The following SLC35F1 variants were observed in gnomAD, a reference collection of about 807,000 sequenced individuals.
SLC35F1 encodes chromosome 6 open reading frame 169.
Under a neutral mutation model 48.7 loss-of-function variants are expected in SLC35F1, and 14 were observed. That is an observed-to-expected ratio of 0.29 (90% CI 0.19 to 0.45). The LOEUF is 0.45. Ranked by LOEUF, SLC35F1 falls within the 20% of genes least tolerant of loss-of-function variation. The pLI is 1.00. For synonymous variants in SLC35F1, 190 were observed against 202.2 expected, an observed-to-expected ratio of 0.94 and a Z score of 0.51; for missense variants, 404 against 500.0, an observed-to-expected ratio of 0.81 and a Z score of 1.83.
At chr6:118,306,482 A>T (rs891445506) in intron 7 of SLC35F1, among the ~76,000 whole-genome samples, 3 of 152,232 alleles carry the variant, frequency 2.0e-5, no homozygotes, top group African/African-American at 7.2e-5. Flanking sequence ...GTAGCCCAGC[A>T]TGTACCTCTG....
chr6:118,294,317 T>C (rs1776158249), intron 7 of SLC35F1, among the ~76,000 whole-genome samples: 1 of 152,226 alleles, frequency 6.6e-6, no homozygotes, highest in Admixed American at 6.5e-5. Context: ...CCTTTATTGC[T>C]TACCATAGAA....
At chr6:118,214,579 G>A (rs1448041205) in intron 2 of SLC35F1, among the ~76,000 whole-genome samples, 1 of 152,142 alleles carries the variant, frequency 6.6e-6, no homozygotes, top group Non-Finnish European at 1.5e-5. Flanking sequence ...ATAAGACAGA[G>A]ACATTTCACC....
At chr6:118,196,050 AG>A in intron 2 of SLC35F1, among the ~76,000 whole-genome samples, 1 of 151,852 alleles carries the variant, frequency 6.6e-6, no homozygotes, top group Non-Finnish European at 1.5e-5. Context: ...CAGAGACTCC[AG>A]GGGGGGCCTC....
chr6:118,006,140 T>C (rs1166483802), intron 1 of SLC35F1, among the ~76,000 whole-genome samples: 2 of 152,196 alleles, frequency 1.3e-5, no homozygotes, highest in Non-Finnish European at 2.9e-5. Flanking sequence ...TTATTGCTAT[T>C]ATCATTTTTT....
chr6:117,907,420 C>T lies in SLC35F1; in HGVS notation c.-307C>T. 4.9e-6 allele frequency: 1 copy of T among 204,134 alleles called. No homozygotes were observed. 12.6% of individuals were successfully genotyped at this position (204,134 alleles called of 1,614,324 possible). On this transcript the variant is annotated 5_prime_UTR_variant, in exon 1 of 8. Transcript: ENST00000360388. Reference sequence around the variant, plus strand: ...GGCAGCTCCGCGCCCCCGCGCGACACCCTTCGCAGCCACTTCGCGGGGCGG... The same window carrying T: ...GGCAGCTCCGCGCCCCCGCGCGACATCCTTCGCAGCCACTTCGCGGGGCGG...
chr6:117,995,664 C>A (rs1014213937), intron 1 of SLC35F1, among the ~76,000 whole-genome samples: 1 of 151,986 alleles, frequency 6.6e-6, no homozygotes, highest in African/African-American at 2.4e-5. Flanking sequence ...TTGCTTGAAC[C>A]CGGGAGCTGG....
At chr6:118,109,150 G>T (rs73516324) in intron 1 of SLC35F1, among the ~76,000 whole-genome samples, 4,743 of 152,236 alleles carry the variant, frequency 0.031, 180 homozygotes, top group African/African-American at 0.081. Context: ...AAAAAGTAAG[G>T]CAAAGCGTTA....
At chr6:118,272,767 A>ATATATATATATATATATATATG (rs1289997076) in intron 4 of SLC35F1, among the ~76,000 whole-genome samples, 9 of 136,054 alleles carry the variant, frequency 6.6e-5, no homozygotes, top group African/African-American at 2.3e-4. Flanking sequence ...ATATATATGT[A>ATATATATATATATATATATATG]TATATATATA....
intron 1 of SLC35F1, among the ~76,000 whole-genome samples, chr6:117,979,583 CCA>C (rs1158933977): frequency 6.6e-6 from 1 of 152,102 alleles, no homozygotes; most frequent in Non-Finnish European, 1.5e-5. Context: ...TGGTATGTTC[CCA>C]ATCCTGCTGT....
chr6:118,226,108 T>TA (rs1222569155), intron 2 of SLC35F1, among the ~76,000 whole-genome samples: 1 of 151,938 alleles, frequency 6.6e-6, no homozygotes, highest in Non-Finnish European at 1.5e-5. Flanking sequence ...GGCCAACAGG[T>TA]ACATGAAAAA....
chr6:118,123,689 C>T (rs891589615), intron 1 of SLC35F1, among the ~76,000 whole-genome samples: 5 of 152,120 alleles, frequency 3.3e-5, no homozygotes, highest in Non-Finnish European at 5.9e-5. Flanking sequence ...TACCCTGTAG[C>T]CCACAATGAG....
intron 1 of SLC35F1, among the ~76,000 whole-genome samples, chr6:117,920,889 T>G (rs963509187): frequency 5.3e-5 from 8 of 152,162 alleles, no homozygotes; most frequent in Non-Finnish European, 8.8e-5. Flanking sequence ...TTGTGTCCTA[T>G]ATTTCCTTTC....
chr6:118,129,967 G>A (rs1421091192), intron 1 of SLC35F1, among the ~76,000 whole-genome samples: 1 of 152,206 alleles, frequency 6.6e-6, no homozygotes, highest in African/African-American at 2.4e-5. Context: ...TGTGGTCTCA[G>A]ATGTATCAAC....
intron 1 of SLC35F1, among the ~76,000 whole-genome samples, chr6:117,930,864 T>C (rs1776090969): frequency 6.6e-6 from 1 of 152,110 alleles, no homozygotes; most frequent in Non-Finnish European, 1.5e-5. Flanking sequence ...AAATAACCCA[T>C]TGTATGCAGC....
chr6:117,956,960 A>G (rs748534510), intron 1 of SLC35F1, among the ~76,000 whole-genome samples: 5 of 152,192 alleles, frequency 3.3e-5, no homozygotes, highest in Non-Finnish European at 5.9e-5. Context: ...AAGGACATCT[A>G]TTTCTTCCAC....
chr6:118,107,990 A>G (rs182285385), intron 1 of SLC35F1, among the ~76,000 whole-genome samples: 1 of 152,278 alleles, frequency 6.6e-6, no homozygotes, highest in Non-Finnish European at 1.5e-5. Context: ...AGAAAACTTC[A>G]GATCCTACTC....
chr6:118,288,798 T>TG (rs1178293329), intron 7 of SLC35F1, among the ~76,000 whole-genome samples: 13 of 152,102 alleles, frequency 8.5e-5, no homozygotes, highest in Middle Eastern at 3.4e-3. Context: ...TTCAGATGGT[T>TG]GGGGGGGCCT....
intron 1 of SLC35F1, among the ~76,000 whole-genome samples, chr6:118,028,993 A>T (rs1392033832): frequency 2.0e-5 from 3 of 152,070 alleles, no homozygotes; most frequent in Non-Finnish European, 4.4e-5. Context: ...TAATACAAAG[A>T]TTTATCTTAT....
chr6:118,198,971 C>G (rs1774837904), intron 2 of SLC35F1, among the ~76,000 whole-genome samples: 1 of 152,166 alleles, frequency 6.6e-6, no homozygotes, highest in African/African-American at 2.4e-5. Flanking sequence ...CAACAGAAGC[C>G]TAGGATCCAT....
Sources: allele counts gnomAD v4.1 joint callset (sites outside exome capture counted in the v4.1 genomes callset), GRCh38; gene constraint gnomAD v4.1.1; transcripts MANE v1.5; gene names NCBI Gene and HGNC (gene_info 2026-07-23, HGNC 2026-07-21).